L2HGDH: variants seen among roughly 807,000 people sequenced by gnomAD.
The protein encoded by L2HGDH is L-2-hydroxyglutarate dehydrogenase, mitochondrial.
L2HGDH carries 34 observed loss-of-function variants against 51.5 expected under a neutral mutation model. The ratio of observed to expected loss-of-function variants is 0.66; its 90% CI spans 0.50 to 0.88. The LOEUF (loss-of-function observed/expected upper bound fraction) is 0.88, where lower values mean the gene tolerates loss of function less well. Ranked by LOEUF, L2HGDH falls within the 40% of genes least tolerant of loss-of-function variation. L2HGDH has a pLI of 0.00. For synonymous variants in L2HGDH, 198 were observed against 197.9 expected (o/e 1.00, Z -0.01); for missense variants, 558 against 571.9 (o/e 0.98, Z 0.25).
chr14:50,274,093 T>A (rs1287590595), intron 6 of L2HGDH, among the ~76,000 whole-genome samples: 3 of 151,054 alleles, frequency 2.0e-5, no homozygotes, highest in Non-Finnish European at 4.4e-5. Flanking sequence ...AATAAATAAA[T>A]AAAATAAGAT....
At chr14:50,299,002 A>G (rs1214922275) in intron 3 of L2HGDH, among the ~76,000 whole-genome samples, 1 of 152,116 alleles carries the variant, frequency 6.6e-6, no homozygotes, top group East Asian at 1.9e-4. Context: ...AAATAAATGA[A>G]ATTGAAACAA....
chr14:50,300,903 C>T (rs916983552), intron 3 of L2HGDH, among the ~76,000 whole-genome samples: 2 of 152,120 alleles, frequency 1.3e-5, no homozygotes, highest in African/African-American at 4.8e-5. Context: ...TGGATCACTG[C>T]AGCCTTGATC....
intron 7 of L2HGDH, among the ~76,000 whole-genome samples, chr14:50,268,427 T>C (rs1380302625): frequency 2.0e-5 from 3 of 147,150 alleles, no homozygotes; most frequent in Non-Finnish European, 4.5e-5. Context: ...CTGACACTAA[T>C]AGATTGTTCC....
intron 1 of L2HGDH, among the ~76,000 whole-genome samples, chr14:50,307,993 C>A (rs191940815): frequency 6.6e-6 from 1 of 152,224 alleles, no homozygotes; most frequent in East Asian, 1.9e-4. Flanking sequence ...TGCAAAAAGA[C>A]TCTGTTAAGA....
intron 1 of L2HGDH, among the ~76,000 whole-genome samples, chr14:50,308,258 C>T (rs1175310804): frequency 3.9e-5 from 6 of 152,128 alleles, no homozygotes; most frequent in Non-Finnish European, 8.8e-5. Context: ...GGCATGGTGG[C>T]GCATGCCTGT....
intron 9 of L2HGDH, among the ~76,000 whole-genome samples, chr14:50,254,332 T>C (rs1289847073): frequency 1.3e-5 from 2 of 151,192 alleles, no homozygotes; most frequent in Admixed American, 1.3e-4. Flanking sequence ...TAGGCACCCA[T>C]AAAAATTAAA....
At position 50,245,966 on chromosome 14, in the gene L2HGDH, A is replaced by G. The variant is rs1887973699; in HGVS notation, c.*1092T>C. 2 of 248,324 alleles carry G rather than the reference A, an allele frequency of 8.1e-6. No individual in the cohort carries two copies. The highest frequency in any genetic ancestry group is 1.8e-4 in the East Asian group (1 of 5,554). The allele number at this position is 248,324 out of a possible 1,614,324, so 15.4% of individuals were successfully genotyped here. Reference sequence around the variant, plus strand: ...GCAAAACCCCGTCTCTACTAAAAATACAAAAAATTAGCCAGGCATGGTGGT... The same window carrying G: ...GCAAAACCCCGTCTCTACTAAAAATGCAAAAAATTAGCCAGGCATGGTGGT... On this transcript the variant is annotated 3_prime_UTR_variant, in exon 10 of 10. Coordinates refer to ENST00000267436, the MANE Select transcript of L2HGDH (RefSeq NM_024884.3).
intron 3 of L2HGDH, among the ~76,000 whole-genome samples, chr14:50,297,148 C>G (rs1423260734): frequency 6.6e-6 from 1 of 152,114 alleles, no homozygotes; most frequent in Non-Finnish European, 1.5e-5. Flanking sequence ...CAGCTAACAT[C>G]ATACTTAAGG....
intron 6 of L2HGDH, among the ~76,000 whole-genome samples, chr14:50,277,964 C>T (rs888200885): frequency 1.3e-5 from 2 of 152,156 alleles, no homozygotes; most frequent in Non-Finnish European, 2.9e-5. Flanking sequence ...GATCCATCAA[C>T]TCTCTTCTGA....
At chr14:50,264,117 C>T (rs916210460) in intron 9 of L2HGDH, among the ~76,000 whole-genome samples, 2 of 151,242 alleles carry the variant, frequency 1.3e-5, no homozygotes, top group African/African-American at 2.4e-5. Flanking sequence ...CAGTGGCTCA[C>T]GCCTGTAATC....
intron 1 of L2HGDH, 116 bp downstream of exon 1, chr14:50,311,895 C>T: frequency 1.4e-6 from 2 of 1,413,292 alleles, no homozygotes; most frequent in East Asian, 2.5e-5. Context: ...TGCCACAGGA[C>T]CCCAACCTGC....
intron 9 of L2HGDH, among the ~76,000 whole-genome samples, chr14:50,263,384 A>G (rs1889149002): frequency 6.6e-6 from 1 of 152,244 alleles, no homozygotes; most frequent in African/African-American, 2.4e-5. Context: ...GAAAAACGTT[A>G]GCTGAGTTTT....
intron 5 of L2HGDH, 111 bp from the exon 6 acceptor site, chr14:50,278,665 G>A: frequency 3.1e-6 from 2 of 647,524 alleles, no homozygotes; most frequent in East Asian, 2.8e-5. Context: ...TACTATGATT[G>A]CACCTTACAG....
rs544805781 is a variant in L2HGDH, at chr14:50,266,481, G to T, written c.1065-992C>A. ...AACATGGCGAAACCCTGTCTCTACA[G>T]AAAACACAAAAATTATCTGGGCATG... On this transcript the variant is annotated intron_variant, in intron 8 of 9. Transcript: ENST00000267436. Among the ~76,000 whole-genome samples, 4 of 152,100 alleles carry T rather than the reference G, an allele frequency of 2.6e-5. No homozygotes were observed. The East Asian group carries it at 7.8e-4, about 29-fold the overall frequency.
intron 6 of L2HGDH, among the ~76,000 whole-genome samples, chr14:50,275,339 C>T (rs780299827): frequency 6.6e-6 from 1 of 152,222 alleles, no homozygotes; most frequent in Non-Finnish European, 1.5e-5. Context: ...TAGATAGCAA[C>T]AGAGCCACTG....
chr14:50,280,205 A>G (rs974122793), intron 5 of L2HGDH, among the ~76,000 whole-genome samples: 4 of 145,198 alleles, frequency 2.8e-5, no homozygotes, highest in Non-Finnish European at 6.0e-5. Context: ...TCTGTTGCCC[A>G]GGCTGGAGTG....
rs959727262 is a variant in L2HGDH at position 50,242,936 on chromosome 14, G to A, written c.*4122C>T. 14 of 985,452 alleles carry A rather than the reference G, an allele frequency of 1.4e-5. No individual in the cohort carries two copies. Among genetic ancestry groups the A allele is most frequent in the Non-Finnish European group, 1.6e-5 (13 of 829,944 alleles). 61.0% of individuals were successfully genotyped at this position (985,452 alleles called of 1,614,324 possible). A position where few individuals can be genotyped will look rare whatever the true frequency, so the allele number is the denominator to read the frequency against. On this transcript the variant is annotated 3_prime_UTR_variant, in exon 10 of 10. Transcript: ENST00000267436. ...CCTGTGTTTACAGGGATAGCTCATAGGTACAGCCATCAGGGTTGGATTGCC... is the reference window on the plus strand; with the variant it reads ...CCTGTGTTTACAGGGATAGCTCATAAGTACAGCCATCAGGGTTGGATTGCC...
intron 5 of L2HGDH, among the ~76,000 whole-genome samples, chr14:50,281,332 C>G (rs916047489): frequency 6.6e-6 from 1 of 152,180 alleles, no homozygotes; most frequent in Non-Finnish European, 1.5e-5. Flanking sequence ...GTAGCTCGCT[C>G]CTGTAATCCC....
At chr14:50,304,251 A>G (rs1300147211) in intron 1 of L2HGDH, among the ~76,000 whole-genome samples, 1 of 152,234 alleles carries the variant, frequency 6.6e-6, no homozygotes, top group Non-Finnish European at 1.5e-5. Flanking sequence ...TGGTATCACC[A>G]CTGTACATGC....
Sources: gnomAD v4.1 joint callset for allele counts (sites outside exome capture counted in the v4.1 genomes callset) on GRCh38, gnomAD v4.1.1 for gene constraint, MANE v1.5 for transcripts, NCBI Gene and HGNC (gene_info 2026-07-23, HGNC 2026-07-21) for gene names.